UBE2W: variants seen among roughly 807,000 people sequenced by gnomAD.
The protein encoded by UBE2W is ubiquitin-conjugating enzyme E2 W.
Under a neutral mutation model 27.2 loss-of-function variants are expected in UBE2W, and 18 were observed. That is an observed-to-expected ratio of 0.66 (90% confidence interval 0.46 to 0.98). UBE2W has a LOEUF of 0.98. Among genes scored for constraint, UBE2W ranks in the 50% least tolerant of loss-of-function variants. The probability of loss-of-function intolerance (pLI) is 0.00; values close to 1 mark genes in which losing one functional copy is unlikely to be tolerated. For missense variants in UBE2W, 90 were observed against 180.2 expected (o/e 0.50, Z 2.87); for synonymous variants, 53 against 57.2 (o/e 0.93, Z 0.33).
At chr8:73,851,895 G>T (rs887157272) in intron 1 of UBE2W, among the ~76,000 whole-genome samples, 1 of 146,388 alleles carries the variant, frequency 6.8e-6, no homozygotes, top group Non-Finnish European at 1.5e-5. Flanking sequence ...GTACTTGAGA[G>T]GCTGAGGCAG....
intron 3 of UBE2W, among the ~76,000 whole-genome samples, chr8:73,812,444 T>G (rs547401117): frequency 5.3e-5 from 8 of 151,970 alleles, no homozygotes; most frequent in African/African-American, 1.7e-4. Flanking sequence ...AAACAAATGC[T>G]TACATGGTCT....
chr8:73,844,290 G>C (rs1384461428), intron 1 of UBE2W, among the ~76,000 whole-genome samples: 1 of 151,958 alleles, frequency 6.6e-6, no homozygotes, highest in Non-Finnish European at 1.5e-5. Context: ...TGGGATTGCA[G>C]GCGCGCGCCG....
chr8:73,858,565 TA>T (rs1811400091), intron 1 of UBE2W, among the ~76,000 whole-genome samples: 1 of 151,578 alleles, frequency 6.6e-6, no homozygotes, highest in Admixed American at 6.6e-5. Flanking sequence ...AAATTCAGTA[TA>T]TTAACTGTTG....
intron 4 of UBE2W, among the ~76,000 whole-genome samples, chr8:73,808,885 G>T (rs1239244875): frequency 6.6e-6 from 1 of 152,144 alleles, no homozygotes; most frequent in African/African-American, 2.4e-5. Flanking sequence ...GAAGTACACA[G>T]AATATAGTCA....
chr8:73,791,736 G>A lies in UBE2W; in HGVS notation c.*2366C>T. On this transcript the variant is annotated 3_prime_UTR_variant, in exon 6 of 6. Transcript: ENST00000602593. ...GTTAGCCTGATTATGAATTTTAAAT[G>A]TCTGTGCTCCTATATTTTAGGATAT... 1 of 983,170 alleles carries A rather than the reference G, an allele frequency of 1.0e-6. No homozygotes were observed. The highest frequency in any genetic ancestry group is 1.2e-6 in the Non-Finnish European group (1 of 828,702). 60.9% of individuals were successfully genotyped at this position (983,170 alleles called of 1,614,324 possible). A position where few individuals can be genotyped will look rare whatever the true frequency, so the allele number is the denominator to read the frequency against.
intron 2 of UBE2W, among the ~76,000 whole-genome samples, chr8:73,828,494 G>A (rs191960945): frequency 3.8e-4 from 58 of 152,172 alleles, no homozygotes; most frequent in Middle Eastern, 6.8e-3. Flanking sequence ...TAGCAATGTC[G>A]AAATGAGTAT....
intron 3 of UBE2W, among the ~76,000 whole-genome samples, chr8:73,811,304 C>T (rs554905150): frequency 6.6e-6 from 1 of 152,146 alleles, no homozygotes; most frequent in Admixed American, 6.5e-5. Context: ...CTTTCTCTAT[C>T]ATGTCTCAGC....
intron 1 of UBE2W, among the ~76,000 whole-genome samples, chr8:73,838,888 T>C (rs940072615): frequency 1.3e-5 from 2 of 152,188 alleles, no homozygotes; most frequent in Non-Finnish European, 2.9e-5. Flanking sequence ...CTGCAACTAA[T>C]CAGACTGATT....
chr8:73,853,254 C>T (rs1811152303), intron 1 of UBE2W, among the ~76,000 whole-genome samples: 1 of 152,130 alleles, frequency 6.6e-6, no homozygotes, highest in Non-Finnish European at 1.5e-5. Context: ...GTCTAAGGTA[C>T]TGAGGTATAG....
intron 1 of UBE2W, among the ~76,000 whole-genome samples, chr8:73,844,174 C>CCCCCTCCCTCTT (rs71269949): frequency 5.8e-5 from 8 of 138,590 alleles, no homozygotes; most frequent in Non-Finnish European, 9.1e-5. Context: ...CCCTCCCCCT[C>CCCCCTCCCTCTT]TGCACGGACT....
At position 73,830,448 on chromosome 8, in the gene UBE2W, C is replaced by T; in HGVS notation, c.40G>A (p.Ala14Thr). 6.2e-7 allele frequency: 1 copy of T among 1,613,710 alleles called. No individual in the cohort carries two copies. Among genetic ancestry groups the T allele is most frequent in the African/African-American group, 1.3e-5 (1 of 74,998 alleles). Residue 14 changes from alanine to threonine, a missense_variant, in exon 2 of 6, where the codon GCT becomes ACT. Ala to Thr is a moderately conservative substitution (Grantham distance 58). Coordinates refer to ENST00000602593, the MANE Select transcript of UBE2W (RefSeq NM_018299.6). ...MQKRLQKELL[A>T]LQNDPPPGMT... ...CCAGGAGGTGGGTCATTTTGCAAAG[C>T]CAACAGTTCTTTCTGTAGTCGTTTC...
intron 1 of UBE2W, among the ~76,000 whole-genome samples, chr8:73,835,591 A>G (rs189071176): frequency 9.8e-4 from 149 of 152,224 alleles, no homozygotes; most frequent in African/African-American, 3.5e-3. Context: ...AAAAATACAA[A>G]AAATCAGCTG....
rs928664480 is a variant in UBE2W at position 73,817,241 on chromosome 8, T to A, written c.211-6612A>T. Among the ~76,000 whole-genome samples, 6 of 152,082 alleles carry A rather than the reference T, an allele frequency of 3.9e-5. No individual in the cohort carries two copies. The East Asian group carries it at 1.2e-3, about 30-fold the overall frequency. On this transcript the variant is annotated intron_variant, in intron 3 of 5. Transcript: ENST00000602593. ...TACTCAGGAGGCTGAGGCAGGAGAA[T>A]CACTTGAACCCAGAAGGCGGAGGTT...
At chr8:73,817,911 C>T (rs1016010431) in intron 3 of UBE2W, among the ~76,000 whole-genome samples, 1 of 152,068 alleles carries the variant, frequency 6.6e-6, no homozygotes, top group African/African-American at 2.4e-5. Flanking sequence ...TTTGATAAGC[C>T]CCAAAATAAC....
chr8:73,835,580 TA>T (rs1230486249), intron 1 of UBE2W, among the ~76,000 whole-genome samples: 2 of 152,076 alleles, frequency 1.3e-5, no homozygotes, highest in African/African-American at 4.8e-5. Flanking sequence ...CTGTCTCTAC[TA>T]AAAATACAAA....
chr8:73,878,263 G>A (rs544729607), intron 1 of UBE2W, among the ~76,000 whole-genome samples: 4 of 152,234 alleles, frequency 2.6e-5, no homozygotes, highest in African/African-American at 7.2e-5. Flanking sequence ...GGGAAGAAGA[G>A]AGGGACGGGG....
At chr8:73,873,585 G>A (rs1209757551) in intron 1 of UBE2W, among the ~76,000 whole-genome samples, 5 of 152,148 alleles carry the variant, frequency 3.3e-5, no homozygotes, top group Admixed American at 1.3e-4. Flanking sequence ...GAGCCTGGGA[G>A]GACAAGGGTG....
chr8:73,860,750 C>G (rs908570300), intron 1 of UBE2W, among the ~76,000 whole-genome samples: 2 of 152,034 alleles, frequency 1.3e-5, no homozygotes, highest in African/African-American at 2.4e-5. Context: ...ACTAAATGAT[C>G]TGCTAGGTAA....
downstream of UBE2W, among the ~76,000 whole-genome samples, chr8:73,785,246 A>G (rs1390577131): frequency 6.6e-6 from 1 of 152,030 alleles, no homozygotes; most frequent in Non-Finnish European, 1.5e-5. Context: ...CCCGGGTTCA[A>G]GCAATTCTTG....
Sources: allele counts gnomAD v4.1 joint callset (sites outside exome capture counted in the v4.1 genomes callset), GRCh38; gene constraint gnomAD v4.1.1; transcripts MANE v1.5; gene names NCBI Gene and HGNC (gene_info 2026-07-23, HGNC 2026-07-21).